RAB35: variants seen among roughly 807,000 people sequenced by gnomAD.
The protein encoded by RAB35 is RAB35, member RAS oncogene family.
RAB35 carries 4 observed loss-of-function variants against 28.9 expected under a neutral mutation model. That is an observed-to-expected ratio of 0.14 (90% CI 0.07 to 0.32). RAB35 has a LOEUF of 0.32. Ranked by LOEUF, RAB35 falls within the 10% of genes least tolerant of loss-of-function variation. The pLI is 1.00. For synonymous variants in RAB35, 99 were observed against 105.1 expected (o/e 0.94, Z 0.35); for missense variants, 128 against 274.0 (o/e 0.47, Z 3.76).
At chr12:120,108,049 G>A (rs112203135) in intron 2 of RAB35, among the ~76,000 whole-genome samples, 12 of 152,170 alleles carry the variant, frequency 7.9e-5, no homozygotes, top group Admixed American at 2.0e-4. Context: ...CATGTGGAGC[G>A]CAGAAAGAAA....
At chr12:120,109,269 T>C (rs1159741102) in intron 1 of RAB35, among the ~76,000 whole-genome samples, 1 of 151,706 alleles carries the variant, frequency 6.6e-6, no homozygotes, top group Non-Finnish European at 1.5e-5. Flanking sequence ...GCCTGACCAA[T>C]ATGGAGAAAC....
chr12:120,108,542 G>A (rs759420450), intron 1 of RAB35, 75 bp from the exon 2 acceptor site: 41 of 1,407,816 alleles, frequency 2.9e-5, no homozygotes, highest in Non-Finnish European at 3.9e-5. Context: ...TCTTCCGGGA[G>A]AGGATGCCTC....
At chr12:120,116,484 G>GGCCCC in intron 1 of RAB35, 115 bp downstream of exon 1, 3 of 682,746 alleles carry the variant, frequency 4.4e-6, no homozygotes, top group Non-Finnish European at 5.4e-6. Context: ...CCGCCGGGCT[G>GGCCCC]CCCCGCCCGC....
Position 120,096,746 on chromosome 12 carries a change from T to C in RAB35, c.*499A>G. 7.0e-6 allele frequency: 9 copies of C among 1,290,042 alleles called. No individual in the cohort carries two copies. The highest frequency in any genetic ancestry group is 6.1e-5 in the African/African-American group (4 of 66,002). 79.9% of individuals were successfully genotyped at this position (1,290,042 alleles called of 1,614,324 possible). ...GCAGCGGGGACAGAGGCTGACAACC[T>C]GTCGGAGAGAATGAGCAACGCGGAG... On this transcript the variant is annotated 3_prime_UTR_variant, in exon 6 of 6. Coordinates refer to ENST00000229340, the MANE Select transcript of RAB35 (RefSeq NM_006861.7).
Position 120,096,610 on chromosome 12 carries a change from G to A in RAB35, c.*635C>T, listed in dbSNP as rs1161468331. The A allele has an allele frequency of 7.8e-7, 1 of 1,289,898 alleles. No homozygotes were observed. The highest frequency in any genetic ancestry group is 1.0e-6 in the Non-Finnish European group (1 of 988,888). 79.9% of individuals were successfully genotyped at this position (1,289,898 alleles called of 1,614,324 possible). On this transcript the variant is annotated 3_prime_UTR_variant, in exon 6 of 6. Transcript: ENST00000229340. ...CAAGACCTGCCACCTCTGTGGAACT[G>A]CAGGGCCTGCCTTGAGACCAGGTTC...
chr12:120,113,078 G>A (rs932706734), intron 1 of RAB35, among the ~76,000 whole-genome samples: 6 of 151,422 alleles, frequency 4.0e-5, no homozygotes, highest in African/African-American at 1.2e-4. Context: ...TTTAAGTAGG[G>A]ACAGGGTTTC....
At chr12:120,108,369 C>T (rs780934341) in intron 2 of RAB35, 48 bp downstream of exon 2, 1 of 1,554,720 alleles carries the variant, frequency 6.4e-7, no homozygotes, top group Non-Finnish European at 8.9e-7. Flanking sequence ...GGGATGTCAA[C>T]AAACAAACAA....
chr12:120,113,851 A>C lies in RAB35; in HGVS notation c.52+2748T>G, dbSNP rs75009745. 5.8e-3 allele frequency among the ~76,000 whole-genome samples: 889 copies of C among 152,142 alleles called. 8 individuals are homozygous for C. The highest frequency in any genetic ancestry group is 0.02 in the African/African-American group (812 of 41,516). ...AAAAAAGGAAAAAAAGAAAATATAG[A>C]ACCTCCGGCATAACGAAGGGATGCA... On this transcript the variant is annotated intron_variant, in intron 1 of 5. Transcript: ENST00000229340.
chr12:120,102,992 A>G (rs1362176411), intron 3 of RAB35, among the ~76,000 whole-genome samples: 2 of 152,152 alleles, frequency 1.3e-5, no homozygotes, highest in Non-Finnish European at 2.9e-5. Context: ...CAGAGCTGCC[A>G]GACACCACAC....
chr12:120,112,681 G>A (rs190228218), intron 1 of RAB35, among the ~76,000 whole-genome samples: 87 of 151,214 alleles, frequency 5.8e-4, no homozygotes, highest in Non-Finnish European at 9.6e-4. Flanking sequence ...CCTCCACCTC[G>A]GCCTCCCAAA....
intron 2 of RAB35, among the ~76,000 whole-genome samples, chr12:120,106,604 T>C (rs1269145428): frequency 1.3e-5 from 2 of 150,032 alleles, no homozygotes; most frequent in Non-Finnish European, 3.0e-5. Flanking sequence ...TTTTTTTTTT[T>C]TTTTTTGAGA....
At position 120,103,974 on chromosome 12, in the gene RAB35, G is replaced by C. The variant is rs183557226; in HGVS notation, c.104-25C>G. 3,002 of 1,612,218 alleles carry C rather than the reference G, an allele frequency of 1.9e-3. 7 individuals carry two copies. Among genetic ancestry groups the C allele is most frequent in the Non-Finnish European group, 2.2e-3 (2,623 of 1,179,132 alleles). On this transcript the variant is annotated intron_variant, in intron 2 of 5. Transcript: ENST00000229340. The surrounding 1 kb of genome is among the most constrained non-coding windows in gnomAD (Gnocchi z 6.1). The stretch of plus-strand genomic sequence containing the variant: ...CCTGCACACACAGGGCAGTTAACGA[G>C]GCCCAGCGCGGTATCTTCCCAGGCC...
chr12:120,108,994 C>T (rs2139058787), intron 1 of RAB35, among the ~76,000 whole-genome samples: 1 of 152,348 alleles, frequency 6.6e-6, no homozygotes, highest in East Asian at 1.9e-4. Context: ...TACCATCTTT[C>T]TGGCTGATGT....
chr12:120,104,787 C>T (rs1251897311), intron 2 of RAB35, among the ~76,000 whole-genome samples: 2 of 152,148 alleles, frequency 1.3e-5, no homozygotes, highest in Admixed American at 1.3e-4. Flanking sequence ...GCATGCGCCA[C>T]CACGCCCGGC....
intron 1 of RAB35, 97 bp from the exon 2 acceptor site, chr12:120,108,564 T>C (rs763910719): frequency 1.7e-6 from 2 of 1,168,096 alleles, no homozygotes; most frequent in Non-Finnish European, 2.5e-6. Context: ...GTCCCAACTC[T>C]TAAGAAGCTC....
chr12:120,096,340 C>G lies in RAB35; in HGVS notation c.*905G>C. 4 of 1,098,818 alleles carry G rather than the reference C, an allele frequency of 3.6e-6. No homozygotes were observed. Among genetic ancestry groups the G allele is most frequent in the Non-Finnish European group, 4.7e-6 (4 of 847,818 alleles). 68.1% of individuals were successfully genotyped at this position (1,098,818 alleles called of 1,614,324 possible). A position where few individuals can be genotyped will look rare whatever the true frequency, so the allele number is the denominator to read the frequency against. ...GGTGGCCTCAACTTTTGCTGCTGTGCCAATCAAACCTCAGGGAAAGAAAAT... is the reference window on the plus strand; with the variant it reads ...GGTGGCCTCAACTTTTGCTGCTGTGGCAATCAAACCTCAGGGAAAGAAAAT... On this transcript the variant is annotated 3_prime_UTR_variant, in exon 6 of 6. Transcript: ENST00000229340.
rs1307902288 is a variant in RAB35 at position 120,096,690 on chromosome 12, C to T, written c.*555G>A. 7.8e-7 allele frequency: 1 copy of T among 1,289,876 alleles called. No individual in the cohort carries two copies. The highest frequency in any genetic ancestry group is 2.3e-5 in the Admixed American group (1 of 43,572). 79.9% of individuals were successfully genotyped at this position (1,289,876 alleles called of 1,614,324 possible). On this transcript the variant is annotated 3_prime_UTR_variant, in exon 6 of 6. Transcript: ENST00000229340. Reference sequence around the variant, plus strand: ...GACAACGGGGAGGGAAGGGAGCTGGCACAGGCCCCGGAGAAGGGGCAAGAC... The same window carrying T: ...GACAACGGGGAGGGAAGGGAGCTGGTACAGGCCCCGGAGAAGGGGCAAGAC...
intron 5 of RAB35, among the ~76,000 whole-genome samples, chr12:120,098,039 ACGCC>A (rs1305324044): frequency 6.6e-6 from 1 of 151,462 alleles, no homozygotes; most frequent in Non-Finnish European, 1.5e-5. Flanking sequence ...GCCCACCACC[ACGCC>A]CGGCTAATTT....
intron 5 of RAB35, among the ~76,000 whole-genome samples, chr12:120,098,232 G>C (rs1025337481): frequency 1.3e-5 from 2 of 152,248 alleles, no homozygotes; most frequent in Non-Finnish European, 2.9e-5. Flanking sequence ...TGCTGTTCAC[G>C]GACATAGGTG....
Sources: gnomAD v4.1 joint callset for allele counts (sites outside exome capture counted in the v4.1 genomes callset) on GRCh38, gnomAD v4.1.1 for gene constraint, Gnocchi (gnomAD v3.1) non-coding constraint, MANE v1.5 for transcripts, NCBI Gene and HGNC (gene_info 2026-07-23, HGNC 2026-07-21) for gene names.